DCTN5: variants seen among roughly 807,000 people sequenced by gnomAD.
DCTN5 encodes the protein dynactin 4.
A neutral mutation model predicts 23.5 loss-of-function variants in DCTN5; 14 were observed. The ratio of observed to expected loss-of-function variants is 0.60; its 90% CI spans 0.39 to 0.93. The LOEUF is 0.93. DCTN5 is among the 40% of genes least tolerant of loss of function. The pLI is 0.00. For missense variants in DCTN5, 156 were observed against 225.9 expected, an observed-to-expected ratio of 0.69 and a Z score of 1.98; for synonymous variants, 67 against 79.6, an observed-to-expected ratio of 0.84 and a Z score of 0.84.
intron 4 of DCTN5, among the ~76,000 whole-genome samples, 163 bp downstream of exon 4, chr16:23,661,444 T>C (rs549054481): frequency 2.2e-4 from 34 of 152,216 alleles, no homozygotes; most frequent in Non-Finnish European, 4.4e-4. Flanking sequence ...TTCAGCTGGG[T>C]GCGGTGGCTC....
rs148502211 is a variant in DCTN5 at position 23,666,234 on chromosome 16, T to C, written c.451+506T>C. Reference sequence around the variant, plus strand: ...TGTCTAGAGAATTTTAGTACTGGGCTTACCCTCACATTGGTCATGGGTTTA... The same window carrying C: ...TGTCTAGAGAATTTTAGTACTGGGCCTACCCTCACATTGGTCATGGGTTTA... On this transcript the variant is annotated intron_variant, in intron 5 of 5. Coordinates refer to ENST00000300087, the MANE Select transcript of DCTN5 (RefSeq NM_032486.4). Among the ~76,000 whole-genome samples the C allele has an allele frequency of 6.2e-3, 947 of 152,356 alleles. 10 individuals are homozygous for C. Among genetic ancestry groups the C allele is most frequent in the African/African-American group, 0.021 (890 of 41,576 alleles).
intron 2 of DCTN5, among the ~76,000 whole-genome samples, chr16:23,652,394 TTC>T: frequency 6.6e-6 from 1 of 152,230 alleles, no homozygotes; most frequent in East Asian, 1.9e-4. Flanking sequence ...CTATTGTAAA[TTC>T]TCTTTGTCTT....
At position 23,669,893 on chromosome 16, in the gene DCTN5, A is replaced by G. The variant is rs1967976484; in HGVS notation, c.*2749A>G. The G allele has an allele frequency of 6.6e-6, 1 of 152,056 alleles. No homozygotes were observed. The highest frequency in any genetic ancestry group is 1.5e-5 in the Non-Finnish European group (1 of 68,036). 9.4% of individuals were successfully genotyped at this position (152,056 alleles called of 1,614,324 possible). A position where few individuals can be genotyped will look rare whatever the true frequency, so the allele number is the denominator to read the frequency against. ...TCTGGAACTGCTTCCTTTTTGTTTT[A>G]TTATTTTTCCCCAGATGAGCTGACT... On this transcript the variant is annotated 3_prime_UTR_variant, in exon 6 of 6. Transcript: ENST00000300087.
rs1258362872 is a variant in DCTN5 at position 23,677,239 on chromosome 16, C to T, written c.*10095C>T. ...GACTACAGGCTGAGTCTGTGAATCT[C>T]CTAGTACATCATCAGACTAGGAGGT... On this transcript the variant is annotated 3_prime_UTR_variant, in exon 6 of 6. Coordinates refer to ENST00000300087, the MANE Select transcript of DCTN5 (RefSeq NM_032486.4). 6.6e-6 allele frequency: 1 copy of T among 152,166 alleles called. No homozygotes were observed. Among genetic ancestry groups the T allele is most frequent in the Non-Finnish European group, 1.5e-5 (1 of 68,044 alleles). 9.4% of individuals were successfully genotyped at this position (152,166 alleles called of 1,614,324 possible). A position where few individuals can be genotyped will look rare whatever the true frequency, so the allele number is the denominator to read the frequency against.
chr16:23,655,543 A>AT (rs763639132), intron 2 of DCTN5, among the ~76,000 whole-genome samples: 1,982 of 141,534 alleles, frequency 0.014, 17 homozygotes, highest in Non-Finnish European at 0.018. Context: ...GCCCTGCTTA[A>AT]TTTTTTTTTT....
At chr16:23,660,886 C>T (rs1967796949) in intron 3 of DCTN5, among the ~76,000 whole-genome samples, 1 of 152,182 alleles carries the variant, frequency 6.6e-6, no homozygotes, top group South Asian at 2.1e-4. Flanking sequence ...AACAAACGTT[C>T]ATTGATTTTT....
intron 1 of DCTN5, among the ~76,000 whole-genome samples, chr16:23,642,068 A>ATTAC (rs1967289549): frequency 6.6e-6 from 1 of 152,016 alleles, no homozygotes; most frequent in Non-Finnish European, 1.5e-5. Context: ...AGTAGCTGGG[A>ATTAC]TTACAGGCGC....
rs529245243 is a variant in DCTN5 at position 23,676,721 on chromosome 16, A to G, written c.*9577A>G. On this transcript the variant is annotated 3_prime_UTR_variant, in exon 6 of 6. Coordinates refer to ENST00000300087, the MANE Select transcript of DCTN5 (RefSeq NM_032486.4). ...TCACCCTTTTGCATGTGGTCCTACTAATAATAATTTTGCTGTAAAGAAGCC... is the reference window on the plus strand; with the variant it reads ...TCACCCTTTTGCATGTGGTCCTACTGATAATAATTTTGCTGTAAAGAAGCC... 6.6e-6 allele frequency: 1 copy of G among 152,326 alleles called. No individual in the cohort carries two copies. Among genetic ancestry groups the G allele is most frequent in the South Asian group, 2.1e-4 (1 of 4,832 alleles). 9.4% of individuals were successfully genotyped at this position (152,326 alleles called of 1,614,324 possible).
In DCTN5 at chr16:23,642,943, GTTTTC is replaced by G. The variant is rs1214273408; in HGVS notation, c.49-7_49-3del. 3 of 1,613,648 alleles carry G rather than the reference GTTTTC, an allele frequency of 1.9e-6. No homozygotes were observed. Among genetic ancestry groups the G allele is most frequent in the Non-Finnish European group, 2.5e-6 (3 of 1,179,728 alleles). ...AGTTTGCTTTCCCCGGTTTTCCGTT[GTTTTC>G]TTTTAGGCATCTGGGAACAAAGTCA... On this transcript the variant is annotated splice_region_variant and splice_polypyrimidine_tract_variant and intron_variant, in intron 1 of 5. Coordinates refer to ENST00000300087, the MANE Select transcript of DCTN5 (RefSeq NM_032486.4).
intron 2 of DCTN5, among the ~76,000 whole-genome samples, chr16:23,656,753 C>G (rs1402263555): frequency 6.6e-6 from 1 of 151,878 alleles, no homozygotes; most frequent in Non-Finnish European, 1.5e-5. Context: ...CCTATAATCC[C>G]AGCACTTTGG....
At chr16:23,651,785 G>A (rs1290843180) in intron 2 of DCTN5, among the ~76,000 whole-genome samples, 1 of 152,180 alleles carries the variant, frequency 6.6e-6, no homozygotes, top group African/African-American at 2.4e-5. Flanking sequence ...AGCACTTTGC[G>A]AGACCAAGGC....
At chr16:23,645,799 T>C (rs1308185601) in intron 2 of DCTN5, among the ~76,000 whole-genome samples, 3 of 152,200 alleles carry the variant, frequency 2.0e-5, no homozygotes, top group Non-Finnish European at 2.9e-5. Flanking sequence ...GGCACTTGGA[T>C]TGTTTCTACC....
At chr16:23,655,956 G>A (rs1967697158) in intron 2 of DCTN5, among the ~76,000 whole-genome samples, 1 of 152,154 alleles carries the variant, frequency 6.6e-6, no homozygotes, top group East Asian at 1.9e-4. Flanking sequence ...GGGGCATGGT[G>A]GCTCACAATT....
chr16:23,649,875 G>C (rs1309957132), intron 2 of DCTN5, among the ~76,000 whole-genome samples: 3 of 145,470 alleles, frequency 2.1e-5, no homozygotes, highest in Non-Finnish European at 4.6e-5. Context: ...ATTTTGAGTT[G>C]ATTTTTGTGT....
chr16:23,655,615 C>T (rs2140980906), intron 2 of DCTN5, among the ~76,000 whole-genome samples: 1 of 151,736 alleles, frequency 6.6e-6, no homozygotes, highest in Admixed American at 6.6e-5. Context: ...GTGATCTCAG[C>T]TTACCGCAGC....
At chr16:23,642,679 G>T (rs368200960) in intron 1 of DCTN5, 2 of 323,916 alleles carry the variant, frequency 6.2e-6, no homozygotes, top group East Asian at 5.9e-5. Context: ...TTGAGAAGGG[G>T]TCTCACTATG....
At chr16:23,665,879 A>G in intron 5 of DCTN5, 151 bp downstream of exon 5, 1 of 640,182 alleles carries the variant, frequency 1.6e-6, no homozygotes, top group Non-Finnish European at 2.7e-6. Context: ...TAGAAATGCT[A>G]CCTAACATAT....
At chr16:23,653,498 T>C (rs1006167929) in intron 2 of DCTN5, among the ~76,000 whole-genome samples, 1 of 152,146 alleles carries the variant, frequency 6.6e-6, no homozygotes, top group Non-Finnish European at 1.5e-5. Context: ...TGGCTAGCCA[T>C]ATGGAGAAAA....
chr16:23,662,834 G>T (rs1322182794), intron 4 of DCTN5, among the ~76,000 whole-genome samples: 2 of 152,148 alleles, frequency 1.3e-5, no homozygotes, highest in Admixed American at 1.3e-4. Context: ...TAACCCTGTC[G>T]TTTATCCTCA....
Sources: gnomAD v4.1 joint callset for allele counts (sites outside exome capture counted in the v4.1 genomes callset) on GRCh38, gnomAD v4.1.1 for gene constraint, MANE v1.5 for transcripts, NCBI Gene and HGNC (gene_info 2026-07-23, HGNC 2026-07-21) for gene names.